PDE4D: variants seen among roughly 807,000 people sequenced by gnomAD.
The protein encoded by PDE4D is 3',5'-cyclic-AMP phosphodiesterase 4D.
Under a neutral mutation model 87.4 loss-of-function variants are expected in PDE4D, and 24 were observed. The observed-to-expected ratio is 0.27, with a 90% CI of 0.20 to 0.39. The LOEUF is 0.39. PDE4D is among the 10% of genes least tolerant of loss of function. The probability of loss-of-function intolerance (pLI) is 1.00; values close to 1 mark genes in which losing one functional copy is unlikely to be tolerated. For synonymous variants in PDE4D, 384 were observed against 383.2 expected (o/e 1.00, Z -0.02); for missense variants, 714 against 1,041.0 (o/e 0.69, Z 4.32).
intron 2 of PDE4D, among the ~76,000 whole-genome samples, chr5:60,074,980 T>C (rs1488489026): frequency 1.3e-5 from 2 of 152,186 alleles, no homozygotes; most frequent in Middle Eastern, 3.2e-3. Flanking sequence ...TGCCTTTTAA[T>C]TGGGAGCATT....
chr5:59,189,865 G>A (rs563171637), intron 3 of PDE4D, among the ~76,000 whole-genome samples: 1 of 152,294 alleles, frequency 6.6e-6, no homozygotes, highest in Non-Finnish European at 1.5e-5. Flanking sequence ...AGAAATCAGA[G>A]GTGGAAAAGA....
At chr5:59,769,053 G>T (rs912623992) in intron 1 of PDE4D, among the ~76,000 whole-genome samples, 9 of 151,164 alleles carry the variant, frequency 6.0e-5, no homozygotes, top group African/African-American at 2.2e-4. Flanking sequence ...AAAGAAAAAT[G>T]CCAATCCTTT....
intron 2 of PDE4D, among the ~76,000 whole-genome samples, chr5:59,199,683 A>G (rs1348756778): frequency 6.6e-6 from 1 of 152,074 alleles, no homozygotes; most frequent in African/African-American, 2.4e-5. Flanking sequence ...GAATATAAAA[A>G]TATTTCTGGG....
intron 1 of PDE4D, among the ~76,000 whole-genome samples, chr5:59,456,944 G>C (rs542235870): frequency 8.3e-4 from 126 of 152,304 alleles, no homozygotes; most frequent in Admixed American, 2.0e-3. Flanking sequence ...TTATAGATGA[G>C]CAAAGAAAGT....
At chr5:59,189,413 G>T (rs1043217087) in intron 3 of PDE4D, among the ~76,000 whole-genome samples, 1 of 151,724 alleles carries the variant, frequency 6.6e-6, no homozygotes, top group Non-Finnish European at 1.5e-5. Flanking sequence ...TGAAGTGAGG[G>T]TTTCTCCAGG....
chr5:60,180,342 C>G (rs1784278211), intron 2 of PDE4D, among the ~76,000 whole-genome samples: 1 of 152,040 alleles, frequency 6.6e-6, no homozygotes, highest in Admixed American at 6.6e-5. Flanking sequence ...ATCTATGTTT[C>G]TGCAACAATG....
chr5:59,993,478 T>C (rs1763212929), intron 2 of PDE4D, among the ~76,000 whole-genome samples: 1 of 152,186 alleles, frequency 6.6e-6, no homozygotes, highest in Non-Finnish European at 1.5e-5. Context: ...TACGTAATCA[T>C]GTTAATGACA....
At chr5:59,037,802 T>C (rs1157499001) in intron 6 of PDE4D, among the ~76,000 whole-genome samples, 1 of 150,920 alleles carries the variant, frequency 6.6e-6, no homozygotes, top group Non-Finnish European at 1.5e-5. Flanking sequence ...AAAAACTGCA[T>C]GAGAACAGGT....
chr5:59,452,003 G>T (rs941288739), intron 1 of PDE4D, among the ~76,000 whole-genome samples: 2 of 152,122 alleles, frequency 1.3e-5, no homozygotes, highest in African/African-American at 4.8e-5. Context: ...GGCCCAGGAC[G>T]GCCTTGAATG....
intron 1 of PDE4D, among the ~76,000 whole-genome samples, chr5:59,631,907 C>T (rs1831629175): frequency 2.6e-5 from 4 of 152,168 alleles, no homozygotes; most frequent in Admixed American, 2.6e-4. Flanking sequence ...ATTCAATCCC[C>T]TGGAAGGGGG....
At chr5:59,165,316 C>A (rs913168151) in intron 5 of PDE4D, among the ~76,000 whole-genome samples, 1 of 152,158 alleles carries the variant, frequency 6.6e-6, no homozygotes, top group African/African-American at 2.4e-5. Flanking sequence ...CTCTGTTATC[C>A]AGGCTGGAGT....
rs531399779 is a variant in PDE4D at position 60,251,231 on chromosome 5, T to TAGGGGTACATGTGCAGGTTTGTTA, written c.-89-65568_-89-65545dup. On this transcript the variant is annotated intron_variant, in intron 1 of 16. Coordinates refer to the PDE4D transcript ENST00000502484. The stretch of plus-strand genomic sequence containing the variant: ...AAGAAATTTTCTTAACTTTTAAGTT[T>TAGGGGTACATGTGCAGGTTTGTTA]AGGGGTACATGTGCAGGTTTGTTAT... Among the ~76,000 whole-genome samples the TAGGGGTACATGTGCAGGTTTGTTA allele has an allele frequency of 8.7e-4, 133 of 152,054 alleles. 5 individuals carry two copies. The East Asian group carries it at 0.018, about 21-fold the overall frequency.
intron 5 of PDE4D, among the ~76,000 whole-genome samples, chr5:59,060,056 A>G (rs1762908005): frequency 6.6e-6 from 1 of 152,176 alleles, no homozygotes; most frequent in Non-Finnish European, 1.5e-5. Flanking sequence ...TAGATATTAT[A>G]TGATGTGCTA....
At chr5:59,078,779 T>G (rs866223302) in intron 5 of PDE4D, among the ~76,000 whole-genome samples, 2 of 152,168 alleles carry the variant, frequency 1.3e-5, no homozygotes, top group African/African-American at 2.4e-5. Flanking sequence ...CCTCCCAAAG[T>G]GCTGAGATTA....
intron 1 of PDE4D, among the ~76,000 whole-genome samples, chr5:60,421,885 T>A (rs1276153515): frequency 6.6e-6 from 1 of 152,216 alleles, no homozygotes; most frequent in Admixed American, 6.5e-5. Flanking sequence ...GCACGAGAAC[T>A]TCGTGATGCA....
intron 1 of PDE4D, among the ~76,000 whole-genome samples, chr5:59,322,949 G>A (rs1280895696): frequency 1.3e-5 from 2 of 152,026 alleles, no homozygotes; most frequent in Non-Finnish European, 1.5e-5. Flanking sequence ...TTGATTGTTC[G>A]GTAGCATTAC....
chr5:59,307,809 C>T (rs1771708617), intron 1 of PDE4D, among the ~76,000 whole-genome samples: 6 of 152,056 alleles, frequency 3.9e-5, no homozygotes, highest in South Asian at 4.1e-4. Context: ...GTGGCGATTC[C>T]TCAGGGATCT....
chr5:59,860,658 C>T (rs1746122519), intron 1 of PDE4D, among the ~76,000 whole-genome samples: 1 of 152,072 alleles, frequency 6.6e-6, no homozygotes, highest in African/African-American at 2.4e-5. Flanking sequence ...ATTTAACTGG[C>T]TTTTAGTCAC....
At chr5:60,415,564 C>A (rs966294337) in intron 1 of PDE4D, among the ~76,000 whole-genome samples, 8 of 152,248 alleles carry the variant, frequency 5.3e-5, no homozygotes, top group Non-Finnish European at 1.2e-4. Flanking sequence ...CAGGCCGGCC[C>A]CGCCACCCCG....
Sources: allele counts gnomAD v4.1 joint callset (sites outside exome capture counted in the v4.1 genomes callset), GRCh38; gene constraint gnomAD v4.1.1; transcripts MANE v1.5; gene names NCBI Gene and HGNC (gene_info 2026-07-23, HGNC 2026-07-21).